Variants in NRXN3 observed in about 807,000 individuals in gnomAD.
NRXN3 encodes the protein neurexin 3, also known as neurexin III.
In NRXN3, 32 loss-of-function variants were observed where a neutral mutation model predicts 137.6. The observed-to-expected ratio is 0.23, with a 90% confidence interval of 0.18 to 0.31. The LOEUF (loss-of-function observed/expected upper bound fraction) is 0.31, where lower values mean the gene tolerates loss of function less well. Among genes scored for constraint, NRXN3 ranks in the 10% least tolerant of loss-of-function variants. The pLI, the probability that NRXN3 is intolerant of heterozygous loss-of-function variation, is 1.00. For synonymous variants in NRXN3, 798 were observed against 784.5 expected, an observed-to-expected ratio of 1.02 and a Z score of -0.29; for missense variants, 1,574 against 2,062.5, an observed-to-expected ratio of 0.76 and a Z score of 4.59.
intron 17 of NRXN3, among the ~76,000 whole-genome samples, chr14:79,686,165 T>C (rs929157364): frequency 1.3e-5 from 2 of 151,740 alleles, no homozygotes; most frequent in Non-Finnish European, 2.9e-5. Flanking sequence ...ATGCCCATAG[T>C]CCCAGCTACT....
intron 15 of NRXN3, among the ~76,000 whole-genome samples, chr14:79,037,364 T>C (rs72687406): frequency 0.38 from 58,282 of 151,960 alleles, 11,726 homozygotes; most frequent in Admixed American, 0.49. Context: ...CCATTTCCCC[T>C]GTGTTTTTTA....
intron 15 of NRXN3, among the ~76,000 whole-genome samples, chr14:79,381,359 G>T (rs561991934): frequency 6.6e-6 from 1 of 152,168 alleles, no homozygotes; most frequent in East Asian, 1.9e-4. Flanking sequence ...GAAGGCCGAT[G>T]TTCCTTGAAA....
chr14:78,186,176 G>A (rs10144429), intron 1 of NRXN3, among the ~76,000 whole-genome samples: 49,487 of 152,074 alleles, frequency 0.33, 8,407 homozygotes, highest in African/African-American at 0.38. Context: ...TGGGCAGGAA[G>A]GAGGAGAGGC....
chr14:79,847,279 A>G (rs1432995281), intron 20 of NRXN3, among the ~76,000 whole-genome samples: 1 of 152,212 alleles, frequency 6.6e-6, no homozygotes, highest in African/African-American at 2.4e-5. Context: ...ATGAATTCTT[A>G]AAGCTTGAAT....
intron 4 of NRXN3, among the ~76,000 whole-genome samples, chr14:78,314,911 CTTTCTTTCTTTCTTTCTTT>C (rs2078429648): frequency 9.0e-6 from 1 of 110,514 alleles, no homozygotes; most frequent in South Asian, 3.3e-4. Context: ...TTCTTTCTTT[CTTTCTTTCTTTCTTTCTTT>C]CTTTCTTTCT....
At chr14:78,751,381 T>C (rs931743474) in intron 8 of NRXN3, among the ~76,000 whole-genome samples, 6 of 152,224 alleles carry the variant, frequency 3.9e-5, no homozygotes, top group Non-Finnish European at 1.5e-5. Flanking sequence ...TGTGGTGATG[T>C]GCACTTGGGG....
intron 2 of NRXN3, among the ~76,000 whole-genome samples, chr14:78,272,965 T>TA (rs887214111): frequency 6.6e-6 from 1 of 152,098 alleles, no homozygotes; most frequent in Non-Finnish European, 1.5e-5. Flanking sequence ...TTTTGTCTAT[T>TA]AAAAAAATCA....
intron 8 of NRXN3, among the ~76,000 whole-genome samples, chr14:78,787,609 TA>T (rs2098792895): frequency 1.3e-5 from 2 of 152,148 alleles, no homozygotes; most frequent in South Asian, 4.1e-4. Context: ...TTGTCAATGA[TA>T]ATGAGAGAGT....
intron 10 of NRXN3, among the ~76,000 whole-genome samples, chr14:78,868,261 G>T (rs2099092467): frequency 6.6e-6 from 1 of 151,946 alleles, no homozygotes; most frequent in Non-Finnish European, 1.5e-5. Flanking sequence ...CTGACACTCA[G>T]TAGTAACTTG....
intron 19 of NRXN3, among the ~76,000 whole-genome samples, chr14:79,791,931 C>T (rs1382989624): frequency 6.6e-6 from 1 of 152,174 alleles, no homozygotes; most frequent in African/African-American, 2.4e-5. Context: ...CTGCAATAGT[C>T]ATCTTCCCTG....
intron 4 of NRXN3, among the ~76,000 whole-genome samples, chr14:78,502,458 G>T (rs1483324212): frequency 6.6e-6 from 1 of 152,156 alleles, no homozygotes; most frequent in Non-Finnish European, 1.5e-5. Flanking sequence ...ACTAGGTCTC[G>T]AGCTGCAGGC....
At chr14:79,254,129 T>C (rs2076283422) in intron 15 of NRXN3, among the ~76,000 whole-genome samples, 3 of 152,146 alleles carry the variant, frequency 2.0e-5, no homozygotes. Context: ...GAGAAAAATA[T>C]GTGCCCCCAT....
intron 15 of NRXN3, among the ~76,000 whole-genome samples, chr14:79,289,746 G>C (rs1324216050): frequency 1.3e-5 from 2 of 152,212 alleles, no homozygotes; most frequent in Non-Finnish European, 2.9e-5. Context: ...AAAGTGCTCA[G>C]ATTCGGGGTT....
chr14:79,823,531 A>C (rs1460300170), intron 20 of NRXN3, among the ~76,000 whole-genome samples: 1 of 152,104 alleles, frequency 6.6e-6, no homozygotes. Context: ...AGCCATGATC[A>C]CACCACTGCA....
At chr14:78,891,322 A>C (rs190337553) in intron 10 of NRXN3, among the ~76,000 whole-genome samples, 1 of 151,952 alleles carries the variant, frequency 6.6e-6, no homozygotes, top group Admixed American at 6.6e-5. Context: ...AAGATAAGCA[A>C]TTTGTCTGAG....
chr14:79,395,666 A>G lies in NRXN3; in HGVS notation c.3263-71555A>G, dbSNP rs185179395. Among the ~76,000 whole-genome samples, 73 of 152,050 alleles carry G rather than the reference A, an allele frequency of 4.8e-4. 1 individual carries two copies. Among genetic ancestry groups the G allele is most frequent in the African/African-American group, 1.7e-3 (69 of 41,502 alleles). Reference sequence around the variant, plus strand: ...TACTAAAAATACAAAAAAATTAGCCAGGCGTGGTGGTGGGCGCCTGTAGTC... The same window carrying G: ...TACTAAAAATACAAAAAAATTAGCCGGGCGTGGTGGTGGGCGCCTGTAGTC... On this transcript the variant is annotated intron_variant, in intron 15 of 20. Transcript: ENST00000335750.
At position 79,472,710 on chromosome 14, in the gene NRXN3, C is replaced by T. The variant is rs185671470; in HGVS notation, c.3444+5308C>T. Among the ~76,000 whole-genome samples the T allele has an allele frequency of 8.5e-5, 13 of 152,202 alleles. No homozygotes were observed. In the East Asian group the frequency reaches 9.7e-4, roughly 11 times the overall value. On this transcript the variant is annotated intron_variant, in intron 16 of 20. Coordinates refer to ENST00000335750, the MANE Select transcript of NRXN3 (RefSeq NM_001330195.2). Reference sequence around the variant, plus strand: ...TTTGGAGAAAAGCTGCTATCGCTTGCGAGTGACATCTGCCTATTGACCCCA... The same window carrying T: ...TTTGGAGAAAAGCTGCTATCGCTTGTGAGTGACATCTGCCTATTGACCCCA...
chr14:78,304,364 G>T (rs1262272400), intron 4 of NRXN3, among the ~76,000 whole-genome samples: 1 of 152,168 alleles, frequency 6.6e-6, no homozygotes, highest in Non-Finnish European at 1.5e-5. Flanking sequence ...GAATGATGAA[G>T]TAGTAAATCC....
rs147774849 is a variant in NRXN3, at chr14:79,709,892, C to CCTAT, written c.4014+11965_4014+11968dup. Among the ~76,000 whole-genome samples the CCTAT allele has an allele frequency of 8.0e-3, 1,219 of 152,048 alleles. 17 individuals carry two copies. The highest frequency in any genetic ancestry group is 0.028 in the African/African-American group (1,154 of 41,458). ...ATTATCATTATTAGTTCCTTACTAC[C>CCTAT]CTATCTATCTATCCTGTTAGAGGAT... is the stretch of plus-strand genomic sequence containing the variant. On this transcript the variant is annotated intron_variant, in intron 19 of 20. Transcript: ENST00000335750.
Sources: gnomAD v4.1 joint callset for allele counts (sites outside exome capture counted in the v4.1 genomes callset) on GRCh38, gnomAD v4.1.1 for gene constraint, MANE v1.5 for transcripts, NCBI Gene and HGNC (gene_info 2026-07-23, HGNC 2026-07-21) for gene names.